The following SLC38A4 variants were observed in gnomAD, a reference collection of about 807,000 sequenced individuals.
The protein encoded by SLC38A4 is sodium-coupled neutral amino acid transporter 4.
SLC38A4 carries 20 observed loss-of-function variants against 63.1 expected under a neutral mutation model. The ratio of observed to expected loss-of-function variants is 0.32; its 90% CI spans 0.22 to 0.46. The LOEUF is 0.46. SLC38A4 is among the 20% of genes least tolerant of loss of function. The probability of loss-of-function intolerance (pLI) is 1.00; values close to 1 mark genes in which losing one functional copy is unlikely to be tolerated. For synonymous variants in SLC38A4, 230 were observed against 225.5 expected (o/e 1.02, Z -0.18); for missense variants, 526 against 663.6 (o/e 0.79, Z 2.28).
At chr12:46,816,530 C>T (rs750823365) in intron 1 of SLC38A4, among the ~76,000 whole-genome samples, 1 of 151,990 alleles carries the variant, frequency 6.6e-6, no homozygotes, top group Non-Finnish European at 1.5e-5. Flanking sequence ...ATGCATAAAA[C>T]GTTGCTTCAA....
upstream of SLC38A4, among the ~76,000 whole-genome samples, chr12:46,827,919 T>G (rs1939681435): frequency 6.6e-6 from 1 of 152,134 alleles, no homozygotes; most frequent in African/African-American, 2.4e-5. Context: ...TATTGCTAAT[T>G]CCTATGTTCA....
chr12:46,783,854 T>C (rs1235693789), intron 7 of SLC38A4, among the ~76,000 whole-genome samples: 1 of 152,008 alleles, frequency 6.6e-6, no homozygotes, highest in African/African-American at 2.4e-5. Flanking sequence ...ATCTGAAATA[T>C]GGGTTTGGAT....
intron 13 of SLC38A4, 24 bp from the exon 14 acceptor site, chr12:46,775,197 A>T: frequency 6.2e-7 from 1 of 1,607,608 alleles, no homozygotes; most frequent in African/African-American, 1.3e-5. Flanking sequence ...AAGAGAATGA[A>T]ACCGCTTGGT....
chr12:46,796,623 G>A (rs1939011744), intron 2 of SLC38A4, among the ~76,000 whole-genome samples: 1 of 152,128 alleles, frequency 6.6e-6, no homozygotes. Context: ...AGACACAGCT[G>A]CCACTCTAGG....
chr12:46,802,392 T>C (rs1440248781), intron 2 of SLC38A4, among the ~76,000 whole-genome samples: 1 of 152,016 alleles, frequency 6.6e-6, no homozygotes, highest in Non-Finnish European at 1.5e-5. Flanking sequence ...TTCCCAGAGG[T>C]ACTTTTTTCT....
intron 5 of SLC38A4, among the ~76,000 whole-genome samples, chr12:46,787,101 C>T (rs1938777985): frequency 6.6e-6 from 1 of 152,200 alleles, no homozygotes; most frequent in African/African-American, 2.4e-5. Context: ...CTACCAGATG[C>T]TGCTACCCTT....
chr12:46,801,022 TAA>T (rs1336370513), intron 2 of SLC38A4, among the ~76,000 whole-genome samples: 2 of 152,154 alleles, frequency 1.3e-5, no homozygotes, highest in Non-Finnish European at 2.9e-5. Context: ...TTCTCCTCAT[TAA>T]AGTTAAGTTT....
At chr12:46,823,886 T>C (rs936768272) in intron 1 of SLC38A4, among the ~76,000 whole-genome samples, 4 of 152,184 alleles carry the variant, frequency 2.6e-5, no homozygotes, top group Non-Finnish European at 5.9e-5. Flanking sequence ...TTCTCATGCT[T>C]GTGAGCATGC....
intron 2 of SLC38A4, among the ~76,000 whole-genome samples, chr12:46,797,512 C>G (rs1308439017): frequency 6.6e-6 from 1 of 152,108 alleles, no homozygotes; most frequent in Non-Finnish European, 1.5e-5. Context: ...CAGCCTTTGG[C>G]CTCAGATTAA....
At chr12:46,767,719 T>C (rs1158091111) in intron 16 of SLC38A4, among the ~76,000 whole-genome samples, 2 of 152,138 alleles carry the variant, frequency 1.3e-5, no homozygotes, top group Non-Finnish European at 2.9e-5. Context: ...TATTTCCTTA[T>C]TGGAAAAACA....
intron 2 of SLC38A4, among the ~76,000 whole-genome samples, chr12:46,800,448 C>T (rs1255520330): frequency 6.6e-6 from 1 of 152,034 alleles, no homozygotes; most frequent in Non-Finnish European, 1.5e-5. Context: ...TTCATTTCCC[C>T]ACTGCCACTG....
chr12:46,777,140 T>G, intron 12 of SLC38A4, 136 bp from the exon 13 acceptor site: 1 of 698,362 alleles, frequency 1.4e-6, no homozygotes, highest in South Asian at 2.0e-5. Context: ...AACTTATAGC[T>G]GATTTAAATT....
In SLC38A4 at chr12:46,803,806, A is replaced by G. The variant is rs1056749905; in HGVS notation, c.-304-12T>C. Reference sequence around the variant, plus strand: ...AACTTGCGTCAGCTCTTGAAAAAAAAAAAAAGAGAAGCTAAGTCAGTTTAC... The same window carrying G: ...AACTTGCGTCAGCTCTTGAAAAAAAGAAAAAGAGAAGCTAAGTCAGTTTAC... On this transcript the variant is annotated splice_polypyrimidine_tract_variant and intron_variant, in intron 1 of 16. Coordinates refer to ENST00000266579, the MANE Select transcript of SLC38A4 (RefSeq NM_018018.5). 6 of 151,990 alleles carry G rather than the reference A, an allele frequency of 3.9e-5. No homozygotes were observed. The highest frequency in any genetic ancestry group is 1.2e-4 in the African/African-American group (5 of 41,408). The allele number at this position is 151,990 out of a possible 1,614,324, so 9.4% of individuals were successfully genotyped here.
chr12:46,801,905 G>T (rs1345637050), intron 2 of SLC38A4, among the ~76,000 whole-genome samples: 1 of 151,998 alleles, frequency 6.6e-6, no homozygotes, highest in African/African-American at 2.4e-5. Context: ...AATAACAGCA[G>T]AACTGTACTT....
chr12:46,794,868 A>G (rs2120837392), intron 2 of SLC38A4, among the ~76,000 whole-genome samples: 1 of 152,088 alleles, frequency 6.6e-6, no homozygotes, highest in South Asian at 2.1e-4. Context: ...TGTTTTAAGC[A>G]GGAGGAACAA....
At position 46,784,541 on chromosome 12, in the gene SLC38A4, C is replaced by A; in HGVS notation, c.493+1G>T. On this transcript the variant is annotated splice_donor_variant, in intron 7 of 16. Transcript: ENST00000266579. LOFTEE classifies it high-confidence loss of function. ...ATCCATTGAAAAGTATATCCCCTTA[C>A]CTCCAATGTTCTGCATTGTAATGGA... 1.9e-6 allele frequency: 3 copies of A among 1,609,956 alleles called. No homozygotes were observed. Among genetic ancestry groups the A allele is most frequent in the Non-Finnish European group, 2.5e-6 (3 of 1,177,400 alleles).
At chr12:46,799,017 A>G (rs1939074858) in intron 2 of SLC38A4, among the ~76,000 whole-genome samples, 1 of 152,166 alleles carries the variant, frequency 6.6e-6, no homozygotes, top group South Asian at 2.1e-4. Context: ...AGTTAATATT[A>G]TTTACCACAA....
intron 2 of SLC38A4, among the ~76,000 whole-genome samples, chr12:46,803,288 T>A (rs145261028): frequency 6.6e-6 from 1 of 152,068 alleles, no homozygotes; most frequent in Non-Finnish European, 1.5e-5. Flanking sequence ...TAGTCCATGA[T>A]CAACCTGGAG....
At chr12:46,792,477 A>G (rs2465585) in intron 3 of SLC38A4, among the ~76,000 whole-genome samples, 39,667 of 151,940 alleles carry the variant, frequency 0.26, 5,768 homozygotes, top group East Asian at 0.42. Context: ...AGACACAGTA[A>G]TGGTCCAGTA....
Sources: allele counts gnomAD v4.1 joint callset (sites outside exome capture counted in the v4.1 genomes callset), GRCh38; gene constraint gnomAD v4.1.1; transcripts MANE v1.5; gene names NCBI Gene and HGNC (gene_info 2026-07-23, HGNC 2026-07-21).